Variants in CALN1 observed in about 807,000 individuals in gnomAD.
The protein encoded by CALN1 is calcium-binding protein 8.
In CALN1, 17 loss-of-function variants were observed where a neutral mutation model predicts 30.6. The observed-to-expected ratio is 0.56, with a 90% CI of 0.38 to 0.83. CALN1 has a LOEUF of 0.83. CALN1 is among the 40% of genes least tolerant of loss of function. The probability of loss-of-function intolerance (pLI) is 0.00; values close to 1 mark genes in which losing one functional copy is unlikely to be tolerated. For synonymous variants in CALN1, 156 were observed against 131.4 expected (o/e 1.19, Z -1.28); for missense variants, 291 against 354.9 (o/e 0.82, Z 1.45).
At chr7:72,175,326 G>A (rs1789273742) in intron 3 of CALN1, among the ~76,000 whole-genome samples, 1 of 152,110 alleles carries the variant, frequency 6.6e-6, no homozygotes, top group Non-Finnish European at 1.5e-5. Flanking sequence ...GCCCGCCTCG[G>A]CCTCCCAAAG....
intron 2 of CALN1, among the ~76,000 whole-genome samples, chr7:72,297,980 G>A (rs775627156): frequency 6.6e-6 from 1 of 152,184 alleles, no homozygotes; most frequent in Non-Finnish European, 1.5e-5. Context: ...GAACTTTACA[G>A]AGTAGAGTTT....
Position 72,144,436 on chromosome 7 carries a change from T to C in CALN1, c.245-38142A>G, listed in dbSNP as rs570338215. Among the ~76,000 whole-genome samples, 6 of 152,326 alleles carry C rather than the reference T, an allele frequency of 3.9e-5. No individual in the cohort carries two copies. In the East Asian group the frequency reaches 5.8e-4, roughly 15 times the overall value. ...CAAGAAGAGCTAACTATCTTAAATA[T>C]ATATGCACCCAATACAGGAGCACCC... On this transcript the variant is annotated intron_variant, in intron 3 of 6. Transcript: ENST00000395275.
At chr7:71,946,524 G>C (rs1413470265) in intron 5 of CALN1, among the ~76,000 whole-genome samples, 1 of 151,852 alleles carries the variant, frequency 6.6e-6, no homozygotes, top group Non-Finnish European at 1.5e-5. Flanking sequence ...CACGCCAACA[G>C]ACTCAGCTAA....
chr7:72,392,478 G>A (rs952989718), intron 2 of CALN1, among the ~76,000 whole-genome samples: 1 of 152,152 alleles, frequency 6.6e-6, no homozygotes, highest in African/African-American at 2.4e-5. Flanking sequence ...GAGAGACTGA[G>A]GAAGGGGCAC....
chr7:72,345,478 G>C (rs1802597181), intron 2 of CALN1, among the ~76,000 whole-genome samples: 1 of 148,556 alleles, frequency 6.7e-6, no homozygotes, highest in South Asian at 2.2e-4. Context: ...GAGAGGGAAG[G>C]GAAGGGAAGG....
intron 4 of CALN1, among the ~76,000 whole-genome samples, chr7:72,098,418 T>C (rs1261301881): frequency 1.3e-5 from 2 of 152,162 alleles, no homozygotes; most frequent in Non-Finnish European, 2.9e-5. Context: ...CTCTGAATAG[T>C]TCAGGCTGTG....
At chr7:72,408,128 A>G (rs1806831493) in intron 1 of CALN1, among the ~76,000 whole-genome samples, 1 of 152,048 alleles carries the variant, frequency 6.6e-6, no homozygotes, top group African/African-American at 2.4e-5. Context: ...TTGGTTCCAT[A>G]TTGACGTTAA....
rs1374401832 is a variant in CALN1 at position 72,262,273 on chromosome 7, G to C, written c.244+16413C>G. Among the ~76,000 whole-genome samples the C allele has an allele frequency of 2.0e-5, 3 of 152,184 alleles. No homozygotes were observed. The East Asian group carries it at 5.8e-4, about 29-fold the overall frequency. ...CTTGAGAGCATCACACGGAGGACTT[G>C]GAAGGCCTGCATATGCAGCCATCTG... On this transcript the variant is annotated intron_variant, in intron 3 of 6. Transcript: ENST00000395275.
At chr7:72,476,842 C>T in the CALN1 span, among the ~76,000 whole-genome samples, 4 of 152,170 alleles carry the variant, frequency 2.6e-5, no homozygotes, top group Non-Finnish European at 4.4e-5. Flanking sequence ...AGATCATGTT[C>T]TATTGCAGGG....
At chr7:71,870,524 G>C (rs1791860922) in intron 5 of CALN1, among the ~76,000 whole-genome samples, 2 of 152,120 alleles carry the variant, frequency 1.3e-5, no homozygotes, top group African/African-American at 2.4e-5. Context: ...AAGAGAAAAG[G>C]CTAAAAAGAA....
At chr7:72,304,839 CTGT>C (rs1372456918) in intron 2 of CALN1, among the ~76,000 whole-genome samples, 2 of 152,140 alleles carry the variant, frequency 1.3e-5, no homozygotes, top group Non-Finnish European at 2.9e-5. Context: ...GATGAACTTA[CTGT>C]TGTTGTATAT....
intron 5 of CALN1, among the ~76,000 whole-genome samples, chr7:71,875,584 G>A (rs950173040): frequency 6.6e-6 from 1 of 152,110 alleles, no homozygotes; most frequent in East Asian, 1.9e-4. Context: ...CAGACCCTAG[G>A]ACCCTGATAC....
intron 5 of CALN1, among the ~76,000 whole-genome samples, chr7:71,996,900 G>C (rs1799280491): frequency 6.6e-6 from 1 of 152,040 alleles, no homozygotes; most frequent in African/African-American, 2.4e-5. Flanking sequence ...AAAAGAACCA[G>C]CTGGGCTTGG....
intron 5 of CALN1, among the ~76,000 whole-genome samples, chr7:71,893,042 A>C (rs1425798510): frequency 6.6e-6 from 1 of 151,720 alleles, no homozygotes. Flanking sequence ...CTGTTTAATA[A>C]CTCCTTTCTT....
chr7:72,072,456 A>C (rs753297274), intron 4 of CALN1, among the ~76,000 whole-genome samples: 3 of 152,258 alleles, frequency 2.0e-5, no homozygotes, highest in Non-Finnish European at 4.4e-5. Flanking sequence ...AGACATTCCT[A>C]AACAAAAGCT....
rs1226895626 is a variant in CALN1, at chr7:72,423,108, C to CAA, written c.-225-10835_-225-10834dup. ...TGGGCAACAGAATGAGACTCCATCT[C>CAA]AAAAAAAAAAAAAAGAAAAAGAAAA... On this transcript the variant is annotated intron_variant, in intron 1 of 6. Coordinates refer to the CALN1 transcript ENST00000395276. 3.0e-3 allele frequency among the ~76,000 whole-genome samples: 287 copies of CAA among 96,504 alleles called. 1 individual carries two copies. Among genetic ancestry groups the CAA allele is most frequent in the African/African-American group, 0.01 (275 of 26,860 alleles). The allele number at this position is 96,504 out of a possible 152,430, so 63.3% of individuals were successfully genotyped here.
chr7:71,957,277 T>G (rs990046447), intron 5 of CALN1, among the ~76,000 whole-genome samples: 2 of 152,176 alleles, frequency 1.3e-5, no homozygotes, highest in African/African-American at 4.8e-5. Context: ...ACTTTTAAAT[T>G]TTTGGTTAGA....
chr7:71,921,290 C>A (rs1741988725), intron 5 of CALN1, among the ~76,000 whole-genome samples: 2 of 152,254 alleles, frequency 1.3e-5, no homozygotes, highest in African/African-American at 4.8e-5. Context: ...AGCAAACCAC[C>A]ATGGCATGTG....
Position 72,273,524 on chromosome 7 carries a change from C to T in CALN1, c.244+5162G>A, listed in dbSNP as rs1210099608. 1.5e-3 allele frequency among the ~76,000 whole-genome samples: 108 copies of T among 69,960 alleles called. No individual in the cohort carries two copies. In the East Asian group the frequency reaches 0.018, roughly 12 times the overall value. 45.9% of individuals were successfully genotyped at this position (69,960 alleles called of 152,430 possible). A position where few individuals can be genotyped will look rare whatever the true frequency, so the allele number is the denominator to read the frequency against. Reference sequence around the variant, plus strand: ...TTCTTTTTTTTTTTTTTTTTTTCTTCCCCCTAGAGACAGGGTCTTTCTTTC... The same window carrying T: ...TTCTTTTTTTTTTTTTTTTTTTCTTTCCCCTAGAGACAGGGTCTTTCTTTC... On this transcript the variant is annotated intron_variant, in intron 3 of 6. Coordinates refer to ENST00000395275, the MANE Select transcript of CALN1 (RefSeq NM_031468.4).
Sources: gnomAD v4.1 joint callset for allele counts (sites outside exome capture counted in the v4.1 genomes callset) on GRCh38, gnomAD v4.1.1 for gene constraint, MANE v1.5 for transcripts, NCBI Gene and HGNC (gene_info 2026-07-23, HGNC 2026-07-21) for gene names.